The following CTNND2 variants were observed in gnomAD, a reference collection of about 807,000 sequenced individuals.
CTNND2 encodes the protein catenin delta 2.
A neutral mutation model predicts 144.4 loss-of-function variants in CTNND2; 22 were observed. The ratio of observed to expected loss-of-function variants is 0.15; its 90% CI spans 0.11 to 0.22. The LOEUF is 0.22. Among genes scored for constraint, CTNND2 ranks in the 10% least tolerant of loss-of-function variants. CTNND2 has a pLI of 1.00. For missense variants in CTNND2, 1,353 were observed against 1,618.8 expected, an observed-to-expected ratio of 0.84 and a Z score of 2.82; for synonymous variants, 751 against 695.6, an observed-to-expected ratio of 1.08 and a Z score of -1.25.
chr5:11,177,152 T>C (rs148091129), intron 11 of CTNND2, among the ~76,000 whole-genome samples: 44 of 152,294 alleles, frequency 2.9e-4, no homozygotes, highest in African/African-American at 9.9e-4. Flanking sequence ...GAGTATTACA[T>C]CCCTTATTTC....
At position 11,455,385 on chromosome 5, in the gene CTNND2, C is replaced by T. The variant is rs186308375; in HGVS notation, c.288-43316G>A. 4.4e-4 allele frequency among the ~76,000 whole-genome samples: 67 copies of T among 152,272 alleles called. No individual in the cohort carries two copies. The South Asian group carries it at 8.7e-3, about 20-fold the overall frequency. ...TTAATGTTTTTCTAATTCACGTAAT[C>T]GCATGGTGCATACACTATGATCATG... On this transcript the variant is annotated intron_variant, in intron 3 of 21. Transcript: ENST00000304623.
intron 8 of CTNND2, among the ~76,000 whole-genome samples, chr5:11,362,515 T>A (rs1756569740): frequency 6.6e-6 from 1 of 152,104 alleles, no homozygotes; most frequent in South Asian, 2.1e-4. Flanking sequence ...AGAGAGGTAG[T>A]TTCTCCTCCT....
intron 2 of CTNND2, among the ~76,000 whole-genome samples, chr5:11,671,417 C>A (rs1192206339): frequency 6.6e-6 from 1 of 152,128 alleles, no homozygotes; most frequent in Non-Finnish European, 1.5e-5. Flanking sequence ...GTACACCAAT[C>A]AAATGTAGAT....
intron 10 of CTNND2, among the ~76,000 whole-genome samples, chr5:11,219,273 A>G (rs1739536054): frequency 6.6e-6 from 1 of 152,182 alleles, no homozygotes; most frequent in Non-Finnish European, 1.5e-5. Context: ...CAAGAATCAA[A>G]TGGAGTTAAA....
chr5:11,215,705 A>G (rs1460966057), intron 10 of CTNND2, among the ~76,000 whole-genome samples: 2 of 152,380 alleles, frequency 1.3e-5, no homozygotes, highest in Middle Eastern at 3.4e-3. Flanking sequence ...AAAACAAATT[A>G]TCATCCATTG....
intron 3 of CTNND2, among the ~76,000 whole-genome samples, chr5:11,520,774 T>C (rs1772654005): frequency 6.6e-6 from 1 of 152,226 alleles, no homozygotes; most frequent in Non-Finnish European, 1.5e-5. Flanking sequence ...CCCAATTTCT[T>C]AGCAGCTCTT....
At chr5:11,582,156 G>A (rs769215675) in intron 2 of CTNND2, among the ~76,000 whole-genome samples, 1 of 152,124 alleles carries the variant, frequency 6.6e-6, no homozygotes, top group Non-Finnish European at 1.5e-5. Flanking sequence ...TTGGCACTGG[G>A]AAGCCCCTGT....
chr5:11,112,037 G>C (rs61754593), intron 13 of CTNND2, among the ~76,000 whole-genome samples: 128 of 152,040 alleles, frequency 8.4e-4, no homozygotes, highest in Admixed American at 1.4e-3. Context: ...TTTTAGTAGA[G>C]ATGGGGTTTC....
At chr5:11,713,451 C>A (rs1248620572) in intron 2 of CTNND2, among the ~76,000 whole-genome samples, 1 of 151,776 alleles carries the variant, frequency 6.6e-6, no homozygotes, top group African/African-American at 2.4e-5. Flanking sequence ...TGGTGGCATG[C>A]ACCTATAATC....
intron 16 of CTNND2, among the ~76,000 whole-genome samples, chr5:11,066,487 C>T (rs1747619775): frequency 6.6e-6 from 1 of 151,380 alleles, no homozygotes; most frequent in Non-Finnish European, 1.5e-5. Flanking sequence ...CTGCCATCCC[C>T]AACCACCCCC....
chr5:11,268,302 C>T (rs1273806009), intron 9 of CTNND2, among the ~76,000 whole-genome samples: 1 of 152,118 alleles, frequency 6.6e-6, no homozygotes, highest in Non-Finnish European at 1.5e-5. Flanking sequence ...AATGCAACAG[C>T]CCAGGCACGG....
chr5:11,294,823 G>T (rs1205110349), intron 9 of CTNND2, among the ~76,000 whole-genome samples: 1 of 152,146 alleles, frequency 6.6e-6, no homozygotes, highest in Non-Finnish European at 1.5e-5. Context: ...GGTACTGATG[G>T]ACGTATCTCA....
At chr5:11,814,454 A>G (rs1244544006) in intron 1 of CTNND2, among the ~76,000 whole-genome samples, 3 of 152,250 alleles carry the variant, frequency 2.0e-5, no homozygotes, top group East Asian at 1.9e-4. Context: ...AAAGAGTTCT[A>G]TAACACTAAA....
chr5:11,082,262 A>G (rs1749650693), intron 16 of CTNND2, among the ~76,000 whole-genome samples: 1 of 152,236 alleles, frequency 6.6e-6, no homozygotes, highest in Admixed American at 6.5e-5. Flanking sequence ...TTTCTTGAAT[A>G]CCAAATTAAA....
At chr5:11,745,481 CT>C (rs1453825781) in intron 1 of CTNND2, among the ~76,000 whole-genome samples, 1 of 152,214 alleles carries the variant, frequency 6.6e-6, no homozygotes, top group African/African-American at 2.4e-5. Context: ...CCAGACCTCT[CT>C]TTGGCAAAGC....
intron 3 of CTNND2, among the ~76,000 whole-genome samples, chr5:11,497,527 G>GGGGGGGGGT (rs1561477881): frequency 1.2e-5 from 1 of 81,778 alleles, no homozygotes; most frequent in Non-Finnish European, 2.4e-5. Context: ...GGTGGGGGGG[G>GGGGGGGGGT]GCAATATGTG....
intron 3 of CTNND2, among the ~76,000 whole-genome samples, chr5:11,527,289 C>A (rs908492443): frequency 2.6e-5 from 4 of 152,148 alleles, no homozygotes; most frequent in Non-Finnish European, 4.4e-5. Context: ...ATACAGTTCT[C>A]CAAATTGTCA....
At chr5:11,626,547 A>C (rs1190243336) in intron 2 of CTNND2, among the ~76,000 whole-genome samples, 1 of 152,092 alleles carries the variant, frequency 6.6e-6, no homozygotes, top group Admixed American at 6.6e-5. Context: ...TAAGTCACTT[A>C]AGTTGTTAAG....
intron 2 of CTNND2, among the ~76,000 whole-genome samples, chr5:11,633,030 T>C (rs1251379727): frequency 6.6e-6 from 1 of 152,144 alleles, no homozygotes; most frequent in African/African-American, 2.4e-5. Flanking sequence ...AACACGCATG[T>C]AATGGAAGCG....
Sources: allele counts gnomAD v4.1 joint callset (sites outside exome capture counted in the v4.1 genomes callset), GRCh38; gene constraint gnomAD v4.1.1; transcripts MANE v1.5; gene names NCBI Gene and HGNC (gene_info 2026-07-23, HGNC 2026-07-21).